Variants in PRKN observed in about 807,000 individuals in gnomAD.
PRKN encodes the protein parkin RBR E3 ubiquitin protein ligase.
A neutral mutation model predicts 59.5 loss-of-function variants in PRKN; 56 were observed. The observed-to-expected ratio is 0.94, with a 90% CI of 0.76 to 1.18. The LOEUF (loss-of-function observed/expected upper bound fraction) is 1.18, where lower values mean the gene tolerates loss of function less well. Among genes scored for constraint, PRKN ranks in the 50% most tolerant of loss-of-function variants. The pLI is 0.00. For synonymous variants in PRKN, 250 were observed against 222.1 expected, an observed-to-expected ratio of 1.13 and a Z score of -1.12; for missense variants, 657 against 596.4, an observed-to-expected ratio of 1.10 and a Z score of -1.06.
At chr6:162,340,822 G>T (rs951906315) in intron 2 of PRKN, among the ~76,000 whole-genome samples, 2 of 152,124 alleles carry the variant, frequency 1.3e-5, no homozygotes, top group African/African-American at 2.4e-5. Flanking sequence ...AACCCCAGAA[G>T]AAAACCTAGG....
chr6:162,437,824 G>A (rs975990825), intron 2 of PRKN, among the ~76,000 whole-genome samples: 9 of 152,108 alleles, frequency 5.9e-5, no homozygotes, highest in Non-Finnish European at 5.9e-5. Flanking sequence ...TTGAACCACA[G>A]ATCCACTGAA....
rs547458318 is a variant in PRKN, at chr6:162,501,504, C to A, written c.8-58031G>T. On this transcript the variant is annotated intron_variant, in intron 1 of 11. Coordinates refer to ENST00000366898, the MANE Select transcript of PRKN (RefSeq NM_004562.3). ...CTGGGATTACAGGCATGTGCCACCA[C>A]GCCTGGTTAATTTTTTTTTTTTTTT... Among the ~76,000 whole-genome samples the A allele has an allele frequency of 2.1e-5, 3 of 145,742 alleles. No individual in the cohort carries two copies. In the South Asian group the frequency reaches 6.7e-4, roughly 33 times the overall value.
chr6:162,620,545 A>G (rs1782621201), intron 1 of PRKN, among the ~76,000 whole-genome samples: 1 of 152,244 alleles, frequency 6.6e-6, no homozygotes, highest in Admixed American at 6.5e-5. Context: ...GTGCTGCTGC[A>G]TAAGAAAGAG....
chr6:161,722,863 T>C (rs1157205551), intron 7 of PRKN, among the ~76,000 whole-genome samples: 2 of 152,212 alleles, frequency 1.3e-5, no homozygotes, highest in Non-Finnish European at 2.9e-5. Flanking sequence ...TTGGGTTTTC[T>C]CTCCTGACTT....
chr6:162,035,118 AAGAC>A (rs1212110363), intron 5 of PRKN, among the ~76,000 whole-genome samples: 1 of 151,806 alleles, frequency 6.6e-6, no homozygotes, highest in Non-Finnish European at 1.5e-5. Flanking sequence ...CAGGAAGAGA[AAGAC>A]AGACAGAGAG....
At position 162,604,734 on chromosome 6, in the gene PRKN, A is replaced by C. The variant is rs190770050; in HGVS notation, c.7+122928T>G. Among the ~76,000 whole-genome samples, 8 of 123,566 alleles carry C rather than the reference A, an allele frequency of 6.5e-5. No individual in the cohort carries two copies. The Admixed American group carries it at 7.2e-4, about 11-fold the overall frequency. The allele number at this position is 123,566 out of a possible 152,430, so 81.1% of individuals were successfully genotyped here. On this transcript the variant is annotated intron_variant, in intron 1 of 11. Transcript: ENST00000366898. ...TTTTTTAACTTAGACCCTGCCATTC[A>C]TTTTCACCTCTGACAGTAAAACCCC...
intron 1 of PRKN, among the ~76,000 whole-genome samples, chr6:162,558,798 C>A (rs544981081): frequency 1.8e-4 from 28 of 152,068 alleles, no homozygotes; most frequent in African/African-American, 6.0e-4. Flanking sequence ...ATGTGCCACA[C>A]ACCCAGCTAA....
intron 9 of PRKN, among the ~76,000 whole-genome samples, chr6:161,516,914 T>C (rs1778631537): frequency 6.6e-6 from 1 of 151,960 alleles, no homozygotes. Flanking sequence ...GATGCATTTA[T>C]TGAATTGATG....
chr6:161,872,377 C>G (rs1267796646), intron 6 of PRKN, among the ~76,000 whole-genome samples: 1 of 152,180 alleles, frequency 6.6e-6, no homozygotes, highest in Non-Finnish European at 1.5e-5. Flanking sequence ...TTTAATACCT[C>G]TAGGGATTAT....
chr6:161,791,483 C>T (rs753435238), intron 6 of PRKN, among the ~76,000 whole-genome samples: 1 of 152,070 alleles, frequency 6.6e-6, no homozygotes, highest in Non-Finnish European at 1.5e-5. Flanking sequence ...TCTCATTTGC[C>T]CTCCTTCACA....
chr6:162,126,532 T>C (rs543630959), intron 4 of PRKN, among the ~76,000 whole-genome samples: 1 of 152,354 alleles, frequency 6.6e-6, no homozygotes, highest in African/African-American at 2.4e-5. Context: ...GTCACACATT[T>C]TCACAAGTTT....
intron 7 of PRKN, among the ~76,000 whole-genome samples, chr6:161,589,078 T>A (rs1163277950): frequency 6.6e-6 from 1 of 152,238 alleles, no homozygotes; most frequent in Admixed American, 6.5e-5. Context: ...AAATAGTATA[T>A]TTCCTAGAAA....
At chr6:161,613,873 AC>A (rs1375855173) in intron 7 of PRKN, among the ~76,000 whole-genome samples, 1 of 152,226 alleles carries the variant, frequency 6.6e-6, no homozygotes, top group Non-Finnish European at 1.5e-5. Flanking sequence ...AAGTCCGGGC[AC>A]AGCGTAGCTC....
chr6:162,034,475 G>A (rs372325700), intron 5 of PRKN, among the ~76,000 whole-genome samples: 3 of 152,040 alleles, frequency 2.0e-5, no homozygotes, highest in Non-Finnish European at 4.4e-5. Context: ...GTAGAAACAA[G>A]CATATTTCCT....
chr6:161,779,435 C>CTTTCCTTTTTTTTTTTTTTTTTT (rs1234367519), intron 7 of PRKN, among the ~76,000 whole-genome samples: 1 of 40,432 alleles, frequency 2.5e-5, no homozygotes, highest in African/African-American at 8.2e-5. Flanking sequence ...TTTTTCTTTT[C>CTTTCCTTTTTTTTTTTTTTTTTT]TTTTCTTTTT....
At chr6:161,992,917 G>C (rs1332303569) in intron 5 of PRKN, among the ~76,000 whole-genome samples, 2 of 152,028 alleles carry the variant, frequency 1.3e-5, no homozygotes, top group Non-Finnish European at 2.9e-5. Flanking sequence ...ATTAAAAATG[G>C]AAATGTAATA....
At chr6:161,833,799 C>A (rs567317758) in intron 6 of PRKN, among the ~76,000 whole-genome samples, 1 of 152,182 alleles carries the variant, frequency 6.6e-6, no homozygotes, top group South Asian at 2.1e-4. Flanking sequence ...ATGTGGGAAG[C>A]AGCACTCCAG....
chr6:161,951,959 G>A (rs925796578), intron 6 of PRKN, among the ~76,000 whole-genome samples: 5 of 151,356 alleles, frequency 3.3e-5, no homozygotes, highest in African/African-American at 1.2e-4. Context: ...GTAAATGTTG[G>A]CACCTCTCCA....
chr6:161,661,531 C>A (rs1035379732), intron 7 of PRKN, among the ~76,000 whole-genome samples: 1 of 147,740 alleles, frequency 6.8e-6, no homozygotes, highest in African/African-American at 2.5e-5. Flanking sequence ...CCACTACCTG[C>A]CCCAGCCTCT....
Sources: allele counts gnomAD v4.1 joint callset (sites outside exome capture counted in the v4.1 genomes callset), GRCh38; gene constraint gnomAD v4.1.1; transcripts MANE v1.5; gene names NCBI Gene and HGNC (gene_info 2026-07-23, HGNC 2026-07-21).